The following ACYP2 variants were observed in gnomAD, a reference collection of about 807,000 sequenced individuals.
The protein encoded by ACYP2 is acylphosphatase 2, also known as acylphosphatase-2.
A neutral mutation model predicts 11.2 loss-of-function variants in ACYP2; 12 were observed. The observed-to-expected ratio is 1.08, with a 90% confidence interval of 0.69 to 1.74. The LOEUF is 1.74. Ranked by LOEUF, ACYP2 falls within the 40% of genes most tolerant of loss-of-function variation. The pLI is 0.00. For synonymous variants in ACYP2, 43 were observed against 32.2 expected, an observed-to-expected ratio of 1.33 and a Z score of -1.13; for missense variants, 134 against 101.9, an observed-to-expected ratio of 1.31 and a Z score of -1.35.
chr2:54,138,833 C>A, intron 6 of ACYP2, 85 bp downstream of exon 3: 2 of 1,142,290 alleles, frequency 1.8e-6, no homozygotes, highest in Non-Finnish European at 2.5e-6. Flanking sequence ...TGCTCTGTTG[C>A]CCAGGTTGGA....
rs569379123 is a variant in ACYP2, at chr2:54,119,184, T to C, written c.278-16269T>C. On this transcript the variant is annotated intron_variant, in intron 4 of 6. Transcript: ENST00000607452. ...CCTGCCTCAGCCTCCTCTTGAGTAGTTGGGACTACAGGCATGAGTCACCAT... is the reference window on the plus strand; with the variant it reads ...CCTGCCTCAGCCTCCTCTTGAGTAGCTGGGACTACAGGCATGAGTCACCAT... Among the ~76,000 whole-genome samples the C allele has an allele frequency of 1.7e-4, 26 of 149,962 alleles. 1 individual carries two copies. The highest frequency in any genetic ancestry group is 1.6e-3 in the Admixed American group (24 of 14,880).
At chr2:54,261,006 C>G (rs75090385) in intron 6 of ACYP2, among the ~76,000 whole-genome samples, 2,744 of 152,240 alleles carry the variant, frequency 0.018, 73 homozygotes, top group African/African-American at 0.063. Flanking sequence ...TATATCACCA[C>G]TACCTTTCGA....
At chr2:53,976,454 G>C (rs576368806) in intron 2 of ACYP2, among the ~76,000 whole-genome samples, 28 of 152,138 alleles carry the variant, frequency 1.8e-4, no homozygotes, top group Non-Finnish European at 2.9e-4. Flanking sequence ...CAATCTGCCC[G>C]CCTCAGCCTC....
intron 6 of ACYP2, among the ~76,000 whole-genome samples, chr2:54,263,443 T>C (rs1171057613): frequency 1.3e-5 from 2 of 152,240 alleles, no homozygotes; most frequent in East Asian, 3.9e-4. Context: ...TATCCAACCA[T>C]ATCACCGTGT....
rs149759854 is a variant in ACYP2 at position 53,973,294 on chromosome 2, A to G, written c.-36-419A>G. Among the ~76,000 whole-genome samples the G allele has an allele frequency of 3.2e-3, 490 of 152,316 alleles. 5 individuals are homozygous for G. The highest frequency in any genetic ancestry group is 0.011 in the African/African-American group (469 of 41,570). ...TAAATAGAGGCAGCAAATATGGACA[A>G]CCTTTTAAAAAATAATGGGGTAGGG... is the stretch of plus-strand genomic sequence containing the variant. On this transcript the variant is annotated intron_variant, in intron 1 of 6. Coordinates refer to ENST00000607452, the MANE Select transcript of ACYP2 (RefSeq NM_001320586.2).
Position 54,094,713 on chromosome 2 carries a change from T to C in ACYP2, c.277+37353T>C, listed in dbSNP as rs576608070. ...CCACCACGCCCAGCTAATTTTTGTA[T>C]TTTTTGTGGAGATGGTGTTTCACCA... On this transcript the variant is annotated intron_variant, in intron 4 of 6. Coordinates refer to ENST00000607452, the MANE Select transcript of ACYP2 (RefSeq NM_001320586.2). Among the ~76,000 whole-genome samples the C allele has an allele frequency of 2.0e-5, 3 of 151,930 alleles. No homozygotes were observed. In the South Asian group the frequency reaches 6.2e-4, roughly 32 times the overall value.
At chr2:54,244,358 C>T (rs1686860490) in intron 6 of ACYP2, among the ~76,000 whole-genome samples, 1 of 152,048 alleles carries the variant, frequency 6.6e-6, no homozygotes, top group African/African-American at 2.4e-5. Flanking sequence ...TGCACCACCA[C>T]ACCCGGCTAA....
chr2:54,107,571 T>C (rs1463540863), intron 4 of ACYP2, among the ~76,000 whole-genome samples: 1 of 152,218 alleles, frequency 6.6e-6, no homozygotes, highest in East Asian at 1.9e-4. Flanking sequence ...AAATAATCCA[T>C]TCCAGACAGT....
chr2:54,286,757 C>A (rs1689094861), intron 6 of ACYP2, among the ~76,000 whole-genome samples: 1 of 152,034 alleles, frequency 6.6e-6, no homozygotes, highest in Non-Finnish European at 1.5e-5. Context: ...GATTTGTCCT[C>A]ATCTGACATT....
At chr2:53,973,045 A>G (rs1306887258) in intron 1 of ACYP2, among the ~76,000 whole-genome samples, 1 of 152,182 alleles carries the variant, frequency 6.6e-6, no homozygotes, top group Non-Finnish European at 1.5e-5. Context: ...AAAGGAAGGT[A>G]GGCCACAAAG....
intron 6 of ACYP2, among the ~76,000 whole-genome samples, chr2:54,179,211 C>T (rs1177008569): frequency 1.6e-5 from 2 of 123,694 alleles, no homozygotes; most frequent in Admixed American, 1.1e-4. Context: ...ACAATCAGTG[C>T]AGACCTGTGA....
chr2:54,124,543 A>G (rs1371780230), intron 4 of ACYP2, among the ~76,000 whole-genome samples: 1 of 152,032 alleles, frequency 6.6e-6, no homozygotes, highest in Non-Finnish European at 1.5e-5. Context: ...GTTTATTTCC[A>G]TCTATTACTG....
chr2:54,007,543 G>C (rs548671357), intron 2 of ACYP2, among the ~76,000 whole-genome samples: 1 of 149,434 alleles, frequency 6.7e-6, no homozygotes, highest in Non-Finnish European at 1.5e-5. Context: ...GTGAGCCACC[G>C]TGCCAGCCTT....
At chr2:54,230,319 A>G (rs1362375685) in intron 6 of ACYP2, among the ~76,000 whole-genome samples, 3 of 152,098 alleles carry the variant, frequency 2.0e-5, no homozygotes. Flanking sequence ...TCTGCACAAT[A>G]AAAGTTGGTC....
At chr2:54,166,785 C>T (rs1682993550) in intron 6 of ACYP2, among the ~76,000 whole-genome samples, 2 of 152,082 alleles carry the variant, frequency 1.3e-5, no homozygotes, top group Non-Finnish European at 2.9e-5. Context: ...CCTTCCAAGC[C>T]CCCCACCTCC....
chr2:54,123,786 A>G (rs1434433179), intron 4 of ACYP2, among the ~76,000 whole-genome samples: 1 of 152,136 alleles, frequency 6.6e-6, no homozygotes, highest in African/African-American at 2.4e-5. Context: ...GTACCAGTGC[A>G]ATACCCCGAC....
intron 6 of ACYP2, among the ~76,000 whole-genome samples, chr2:54,272,517 C>G (rs557452862): frequency 6.6e-6 from 1 of 152,328 alleles, no homozygotes; most frequent in African/African-American, 2.4e-5. Flanking sequence ...TCACTGCTCT[C>G]CAACCCATCA....
chr2:54,097,121 C>T (rs1041984778), intron 4 of ACYP2, among the ~76,000 whole-genome samples: 4 of 152,170 alleles, frequency 2.6e-5, no homozygotes, highest in Admixed American at 1.3e-4. Flanking sequence ...TCACCTCCTC[C>T]GAGTCTCTGT....
intron 4 of ACYP2, among the ~76,000 whole-genome samples, chr2:54,119,937 G>A (rs762150718): frequency 6.6e-6 from 1 of 152,190 alleles, no homozygotes; most frequent in Non-Finnish European, 1.5e-5. Context: ...GTACTTTGAG[G>A]TCAAGTACTT....
Sources: allele counts gnomAD v4.1 joint callset (sites outside exome capture counted in the v4.1 genomes callset), GRCh38; gene constraint gnomAD v4.1.1; transcripts MANE v1.5; gene names NCBI Gene and HGNC (gene_info 2026-07-23, HGNC 2026-07-21).